Variants in NRXN1 observed in about 807,000 individuals in gnomAD.
The protein encoded by NRXN1 is neurexin-1.
Under a neutral mutation model 150.9 loss-of-function variants are expected in NRXN1, and 39 were observed. The ratio of observed to expected loss-of-function variants is 0.26; its 90% confidence interval spans 0.20 to 0.34. The LOEUF (loss-of-function observed/expected upper bound fraction) is 0.34, where lower values mean the gene tolerates loss of function less well. Among genes scored for constraint, NRXN1 ranks in the 10% least tolerant of loss-of-function variants. The pLI is 1.00. For synonymous variants in NRXN1, 924 were observed against 757.0 expected, an observed-to-expected ratio of 1.22 and a Z score of -3.62; for missense variants, 1,815 against 1,949.9, an observed-to-expected ratio of 0.93 and a Z score of 1.30.
chr2:50,400,629 C>CT (rs2082332126), intron 17 of NRXN1, among the ~76,000 whole-genome samples: 1 of 152,062 alleles, frequency 6.6e-6, no homozygotes. Context: ...TTCCATTGGA[C>CT]TAATGAAATT....
At chr2:50,052,942 T>G (rs1692955306) in intron 21 of NRXN1, among the ~76,000 whole-genome samples, 1 of 152,168 alleles carries the variant, frequency 6.6e-6, no homozygotes, top group African/African-American at 2.4e-5. Flanking sequence ...TTTCATTAAC[T>G]TGTTCATTTA....
intron 18 of NRXN1, among the ~76,000 whole-genome samples, chr2:50,200,251 A>C (rs1031079678): frequency 1.3e-5 from 2 of 152,168 alleles, no homozygotes; most frequent in Non-Finnish European, 2.9e-5. Flanking sequence ...TTTCTTGAGA[A>C]TCTAGATGAA....
intron 5 of NRXN1, among the ~76,000 whole-genome samples, chr2:50,627,589 A>T (rs1681379855): frequency 6.9e-6 from 1 of 145,676 alleles, no homozygotes; most frequent in Non-Finnish European, 1.5e-5. Context: ...TAGAGAGGCA[A>T]TCTATGAAAG....
chr2:50,535,374 T>A (rs1432463070), intron 10 of NRXN1, among the ~76,000 whole-genome samples: 1 of 152,246 alleles, frequency 6.6e-6, no homozygotes. Flanking sequence ...TTCTACATTA[T>A]TCTTTGTTGC....
At chr2:50,001,683 A>C (rs370628562) in intron 21 of NRXN1, among the ~76,000 whole-genome samples, 1 of 152,246 alleles carries the variant, frequency 6.6e-6, no homozygotes, top group South Asian at 2.1e-4. Flanking sequence ...AATAAACATA[A>C]ATAAGAGATT....
chr2:50,174,682 C>T (rs1281642605), intron 18 of NRXN1: 38 of 151,854 alleles, frequency 2.5e-4, no homozygotes, highest in Non-Finnish European at 2.9e-5. Flanking sequence ...TTCTATAAAA[C>T]AGATAATAGT....
At chr2:50,386,928 C>T (rs973183690) in intron 17 of NRXN1, among the ~76,000 whole-genome samples, 19 of 152,064 alleles carry the variant, frequency 1.2e-4, no homozygotes, top group Admixed American at 3.9e-4. Flanking sequence ...ATACAATACT[C>T]CATGAGAGCT....
intron 5 of NRXN1, among the ~76,000 whole-genome samples, chr2:50,732,953 T>C (rs947880783): frequency 1.3e-5 from 2 of 152,178 alleles, no homozygotes; most frequent in Non-Finnish European, 2.9e-5. Context: ...ATTTGTGTAT[T>C]GTAACAACTA....
intron 15 of NRXN1, among the ~76,000 whole-genome samples, 152 bp from the exon 16 acceptor site, chr2:50,472,623 T>C (rs1359906204): frequency 6.7e-6 from 1 of 149,216 alleles, no homozygotes; most frequent in African/African-American, 2.6e-5. Context: ...TGCTAAACAA[T>C]AGAGACGTTT....
rs932718764 is a variant in NRXN1, at chr2:50,346,432, A to T, written c.3365-109462T>A. Among the ~76,000 whole-genome samples the T allele has an allele frequency of 6.6e-6, 1 of 151,962 alleles. No homozygotes were observed. Among genetic ancestry groups the T allele is most frequent in the Non-Finnish European group, 1.5e-5 (1 of 67,968 alleles). On this transcript the variant is annotated intron_variant, in intron 17 of 22. Transcript: ENST00000401669. This position sits in a 1 kb window ranked among gnomAD's most constrained non-coding sequence, Gnocchi z 5.0. ...GCCGCGCGACCAGGGCTGGTCCTTT[A>T]GTAGGTGTCCACATCTCTCTCCCAG...
At chr2:50,066,722 A>C (rs10187516) in intron 19 of NRXN1, among the ~76,000 whole-genome samples, 1 of 151,962 alleles carries the variant, frequency 6.6e-6, no homozygotes, top group African/African-American at 2.4e-5. Context: ...AAAAACTCTC[A>C]TAAAACTACT....
At chr2:50,336,397 C>T (rs1038452624) in intron 17 of NRXN1, among the ~76,000 whole-genome samples, 11 of 152,102 alleles carry the variant, frequency 7.2e-5, no homozygotes, top group East Asian at 5.8e-4. Context: ...CATCTAGAAA[C>T]GACACAATTT....
chr2:50,421,282 CT>C (rs2083976801), intron 17 of NRXN1, among the ~76,000 whole-genome samples: 1 of 150,828 alleles, frequency 6.6e-6, no homozygotes, highest in Non-Finnish European at 1.5e-5. Flanking sequence ...AATTTCAAAA[CT>C]GTTGTATGCA....
intron 2 of NRXN1, among the ~76,000 whole-genome samples, chr2:51,015,250 G>T (rs1047993426): frequency 6.6e-6 from 1 of 151,698 alleles, no homozygotes; most frequent in Non-Finnish European, 1.5e-5. Context: ...CCTATCTCCT[G>T]TTCCTCTCTT....
chr2:50,386,100 T>G (rs6740748), intron 17 of NRXN1, among the ~76,000 whole-genome samples: 4,256 of 152,178 alleles, frequency 0.028, 170 homozygotes, highest in African/African-American at 0.096. Context: ...TTCCAATTTC[T>G]GTTTAATCAT....
chr2:50,334,209 A>ATATATATAGATG (rs760530144), intron 17 of NRXN1, among the ~76,000 whole-genome samples: 1 of 121,440 alleles, frequency 8.2e-6, no homozygotes, highest in African/African-American at 4.4e-5. Context: ...ATATATATAT[A>ATATATATAGATG]TATGTATGTA....
chr2:50,979,270 C>T (rs775171377), intron 2 of NRXN1: 7 of 517,964 alleles, frequency 1.4e-5, no homozygotes, highest in African/African-American at 1.3e-4. Context: ...GCAATATTTA[C>T]ATCAGCTGGA....
At chr2:50,337,144 G>A (rs1411018389) in intron 17 of NRXN1, among the ~76,000 whole-genome samples, 1 of 147,130 alleles carries the variant, frequency 6.8e-6, no homozygotes, top group Non-Finnish European at 1.5e-5. Flanking sequence ...AGTGTGCAAT[G>A]GCTTGATCTC....
At chr2:50,642,007 G>T (rs975224019) in intron 5 of NRXN1, among the ~76,000 whole-genome samples, 1 of 152,004 alleles carries the variant, frequency 6.6e-6, no homozygotes, top group Non-Finnish European at 1.5e-5. Context: ...TATGCATATA[G>T]ATATATGATG....
Sources: gnomAD v4.1 joint callset for allele counts (sites outside exome capture counted in the v4.1 genomes callset) on GRCh38, gnomAD v4.1.1 for gene constraint, Gnocchi (gnomAD v3.1) non-coding constraint, MANE v1.5 for transcripts, NCBI Gene and HGNC (gene_info 2026-07-23, HGNC 2026-07-21) for gene names.